Variants in CHD8 observed in about 807,000 individuals in gnomAD.
CHD8 encodes the protein chromodomain helicase DNA binding protein 8.
Under a neutral mutation model 279.2 loss-of-function variants are expected in CHD8, and 31 were observed. That is an observed-to-expected ratio of 0.11 (90% CI 0.08 to 0.15). CHD8 has a LOEUF of 0.15. CHD8 is among the 10% of genes least tolerant of loss of function. The pLI, the probability that CHD8 is intolerant of heterozygous loss-of-function variation, is 1.00. For synonymous variants in CHD8, 1,081 were observed against 1,139.6 expected, an observed-to-expected ratio of 0.95 and a Z score of 1.04; for missense variants, 2,146 against 3,230.5, an observed-to-expected ratio of 0.66 and a Z score of 8.14.
At chr14:21,436,794 A>G (rs879475847) in intron 1 of CHD8, 4 of 409,254 alleles carry the variant, frequency 9.8e-6, no homozygotes, top group Non-Finnish European at 1.9e-5. Context: ...GAAACTAGAG[A>G]GATTCTGCAC....
chr14:21,403,626 A>G lies in CHD8; in HGVS notation c.3345T>C (p.Ala1115=), dbSNP rs756508574. The G allele has an allele frequency of 1.2e-5, 19 of 1,604,706 alleles. No individual in the cohort carries two copies. The African/African-American group carries it at 2.4e-4, about 20-fold the overall frequency. ...EEKILTEFRE[A]CHIIPHDFHL... ...GAAAGTCATGAGGTATAATATGGCA[A>G]GCTTCACGGAATTCTGTTAGGATTT... Residue 1115 remains alanine, a synonymous_variant, in exon 17 of 38, where the codon GCT becomes GCC. Transcript: ENST00000646647. The surrounding 1 kb of genome is among the most constrained non-coding windows in gnomAD (Gnocchi z 4.3).
Position 21,408,244 on chromosome 14 carries a change from C to G in CHD8, c.2730+68G>C. 1.9e-6 allele frequency: 3 copies of G among 1,551,214 alleles called. No individual in the cohort carries two copies. The East Asian group carries it at 6.8e-5, about 35-fold the overall frequency. On this transcript the variant is annotated intron_variant, in intron 13 of 37. Coordinates refer to ENST00000646647, the MANE Select transcript of CHD8 (RefSeq NM_001170629.2). The surrounding 1 kb of genome is among the most constrained non-coding windows in gnomAD (Gnocchi z 4.3). ...ATAAAAGTCTTCTATTCATATATAGCCCTTAAAATACCAGGTACCTTGGCC... is the reference window on the plus strand; with the variant it reads ...ATAAAAGTCTTCTATTCATATATAGGCCTTAAAATACCAGGTACCTTGGCC...
intron 1 of CHD8, among the ~76,000 whole-genome samples, chr14:21,439,815 T>A (rs1451988751): frequency 6.6e-6 from 1 of 152,246 alleles, no homozygotes; most frequent in African/African-American, 2.4e-5. Context: ...AAAGACAAAT[T>A]ACTATTGTCG....
Position 21,398,021 on chromosome 14 carries a change from G to A in CHD8, c.4922-69C>T, listed in dbSNP as rs1594337199. On this transcript the variant is annotated intron_variant, in intron 26 of 37. Transcript: ENST00000646647. Reference sequence around the variant, plus strand: ...TGCCTTTATGCTTACTTTATATGCTGCTGGAATAATTAGAATATGTTCTAT... The same window carrying A: ...TGCCTTTATGCTTACTTTATATGCTACTGGAATAATTAGAATATGTTCTAT... 2.1e-6 allele frequency: 3 copies of A among 1,405,494 alleles called. No homozygotes were observed. The East Asian group carries it at 7.3e-5, about 34-fold the overall frequency. 87.1% of individuals were successfully genotyped at this position (1,405,494 alleles called of 1,614,324 possible). A position where few individuals can be genotyped will look rare whatever the true frequency, so the allele number is the denominator to read the frequency against.
At chr14:21,425,708 C>G (rs1889284229) in intron 5 of CHD8, 1 of 156,276 alleles carries the variant, frequency 6.4e-6, no homozygotes, top group Non-Finnish European at 1.4e-5. Context: ...CCAAGGCAGG[C>G]AGATCACTTG....
At position 21,431,066 on chromosome 14, in the gene CHD8, C is replaced by T. The variant is rs1266451872; in HGVS notation, c.578G>A (p.Gly193Asp). ...AGTGACTTTTCCACCATTGGCTGTG[C>T]CTGCCACCAGGGGCTGAGCTGTGCT... ...ITSTAQPLVA[G>D]TANGGKVTFT... is the part of the protein sequence containing the mutation. The change falls in exon 2 of 38, where the codon GGC becomes GAC. Residue 193 changes from glycine to aspartate, a missense_variant. This residue lies in a region of CHD8 where 302 missense variants were observed against 325.5 expected (regional missense o/e 0.93). Coordinates refer to ENST00000646647, the MANE Select transcript of CHD8 (RefSeq NM_001170629.2). 6.3e-7 allele frequency: 1 copy of T among 1,599,190 alleles called. No homozygotes were observed. Among genetic ancestry groups the T allele is most frequent in the Non-Finnish European group, 8.5e-7 (1 of 1,179,652 alleles).
At chr14:21,455,633 C>G (rs1370537784) in intron 1 of CHD8, among the ~76,000 whole-genome samples, 1 of 152,152 alleles carries the variant, frequency 6.6e-6, no homozygotes, top group Non-Finnish European at 1.5e-5. Flanking sequence ...AGTAGAAAAC[C>G]CTAACCACCT....
chr14:21,442,620 G>A (rs1890003666), intron 1 of CHD8, among the ~76,000 whole-genome samples: 1 of 133,756 alleles, frequency 7.5e-6, no homozygotes, highest in Non-Finnish European at 1.6e-5. Flanking sequence ...GACCCTATCA[G>A]AAAGGAGAAA....
rs1887672441 is a variant in CHD8, at chr14:21,394,213, A to G, written c.5600-18T>C. 4.3e-6 allele frequency: 7 copies of G among 1,610,474 alleles called. No individual in the cohort carries two copies. The East Asian group carries it at 1.6e-4, about 36-fold the overall frequency. The stretch of plus-strand genomic sequence containing the variant: ...GGGGGGTTCTGCAAGAGACAGGAGT[A>G]GAAGAAATTAACAGAGTTGCTTCTG... On this transcript the variant is annotated intron_variant, in intron 31 of 37. Coordinates refer to ENST00000646647, the MANE Select transcript of CHD8 (RefSeq NM_001170629.2).
intron 37 of CHD8, among the ~76,000 whole-genome samples, chr14:21,389,127 CCG>C (rs1226888795): frequency 6.6e-6 from 1 of 151,766 alleles, no homozygotes; most frequent in Non-Finnish European, 1.5e-5. Context: ...TGGTGAAACC[CCG>C]TCTCTACTAA....
At position 21,395,829 on chromosome 14, in the gene CHD8, G is replaced by A. The variant is rs1482713563; in HGVS notation, c.5115C>T (p.Asp1705=). 6.2e-7 allele frequency: 1 copy of A among 1,605,238 alleles called. No individual in the cohort carries two copies. The highest frequency in any genetic ancestry group is 1.7e-5 in the Admixed American group (1 of 59,684). The change falls in exon 28 of 38, where the codon GAC becomes GAT. Residue 1705 remains aspartate, a synonymous_variant. Coordinates refer to ENST00000646647, the MANE Select transcript of CHD8 (RefSeq NM_001170629.2). ...GAGAATTCCTTACCTCATCATCTTG[G>A]TCCTTTGGGGGACCTTGGAGTGGTT... ...EYKPLQGPPK[D]QDDEGDPLMM...
In CHD8 at chr14:21,430,830, C is replaced by T. The variant is rs1365407261; in HGVS notation, c.814G>A (p.Ala272Thr). 6.3e-7 allele frequency: 1 copy of T among 1,598,834 alleles called. No individual in the cohort carries two copies. The highest frequency in any genetic ancestry group is 1.7e-5 in the Admixed American group (1 of 59,898). Residue 272 changes from alanine (A) to threonine (T), a missense_variant, in exon 2 of 38, where the codon GCA (alanine) becomes ACA (threonine). Ala to Thr is a moderately conservative substitution (Grantham distance 58, BLOSUM62 0). Transcript: ENST00000646647. ...PGATGPPLKP[A>T]VTLTSTPTQG... ...GTAGGTGTAGAGGTCAGTGTAACTG[C>T]AGGCTTCAGTGGGGGCCCTGTGGCC...
rs1022974314 is a variant in CHD8 at position 21,408,640 on chromosome 14, T to C, written c.2486+64A>G. 3 of 1,569,486 alleles carry C rather than the reference T, an allele frequency of 1.9e-6. No homozygotes were observed. The highest frequency in any genetic ancestry group is 2.3e-5 in the East Asian group (1 of 43,500). On this transcript the variant is annotated intron_variant, in intron 12 of 37. Transcript: ENST00000646647. The surrounding 1 kb of genome is among the most constrained non-coding windows in gnomAD (Gnocchi z 4.3). Reference sequence around the variant, plus strand: ...AGTATGTAGGAAGAAATTGTTTCAATAGAAAACAAATAAAAATAATCCCAG... The same window carrying C: ...AGTATGTAGGAAGAAATTGTTTCAACAGAAAACAAATAAAAATAATCCCAG...
At chr14:21,439,917 C>T (rs1889913570) in intron 1 of CHD8, among the ~76,000 whole-genome samples, 1 of 152,124 alleles carries the variant, frequency 6.6e-6, no homozygotes, top group Non-Finnish European at 1.5e-5. Context: ...TACTTATTAT[C>T]CTCTAAGTTC....
chr14:21,414,501 A>C, intron 8 of CHD8, 83 bp from the exon 9 acceptor site: 2 of 722,522 alleles, frequency 2.8e-6, no homozygotes, highest in South Asian at 3.3e-5. Flanking sequence ...ATTAGTCAGA[A>C]GCAGACATAA....
intron 5 of CHD8, among the ~76,000 whole-genome samples, chr14:21,424,481 GT>G (rs1555317622): frequency 6.7e-6 from 1 of 150,344 alleles, no homozygotes; most frequent in African/African-American, 2.5e-5. Context: ...GTTTTGTTTT[GT>G]TTTTTTGAGG....
intron 3 of CHD8, 52 bp downstream of exon 3, chr14:21,428,912 T>C: frequency 3.2e-6 from 5 of 1,583,094 alleles, no homozygotes; most frequent in Non-Finnish European, 4.3e-6. Flanking sequence ...GCAACAGCAA[T>C]GGACTAAGTA....
At chr14:21,414,542 C>A in intron 8 of CHD8, 124 bp from the exon 9 acceptor site, 1 of 626,608 alleles carries the variant, frequency 1.6e-6, no homozygotes, top group East Asian at 2.7e-5. Context: ...GAGACAGTCT[C>A]TTAGGTCAGT....
intron 1 of CHD8, 136 bp from the exon 2 acceptor site, chr14:21,431,994 G>A (rs1889585360): frequency 1.6e-6 from 1 of 627,696 alleles, no homozygotes; most frequent in African/African-American, 1.8e-5. Flanking sequence ...TCTGAGGACG[G>A]ACATACAGCA....
Sources: gnomAD v4.1 joint callset for allele counts (sites outside exome capture counted in the v4.1 genomes callset) on GRCh38, gnomAD v4.1.1 for gene constraint, gnomAD v4.1.1 regional missense constraint, Gnocchi (gnomAD v3.1) non-coding constraint, MANE v1.5 for transcripts, NCBI Gene and HGNC (gene_info 2026-07-23, HGNC 2026-07-21) for gene names.